The following JKAMP variants were observed in gnomAD, a reference collection of about 807,000 sequenced individuals.
JKAMP encodes JNK1/MAPK8-associated membrane protein.
In JKAMP, 20 loss-of-function variants were observed where a neutral mutation model predicts 40.2. The observed-to-expected ratio is 0.50, with a 90% CI of 0.35 to 0.72. The LOEUF is 0.72. Ranked by LOEUF, JKAMP falls within the 30% of genes least tolerant of loss-of-function variation. The pLI is 0.01. For synonymous variants in JKAMP, 138 were observed against 131.6 expected (o/e 1.05, Z -0.33); for missense variants, 276 against 373.0 (o/e 0.74, Z 2.14).
In JKAMP at chr14:59,487,962, C is replaced by T. The variant is rs562578917; in HGVS notation, c.251+134C>T. On this transcript the variant is annotated intron_variant, in intron 3 of 6. Transcript: ENST00000616435. Reference sequence around the variant, plus strand: ...TGTTTTTCTTTATCTTCAGATTATTCTTAACTGTGACAAGAAAACTTAACA... The same window carrying T: ...TGTTTTTCTTTATCTTCAGATTATTTTTAACTGTGACAAGAAAACTTAACA... 74 of 850,670 alleles carry T rather than the reference C, an allele frequency of 8.7e-5. No individual in the cohort carries two copies. In the African/African-American group the frequency reaches 1.1e-3, roughly 13 times the overall value. The allele number at this position is 850,670 out of a possible 1,614,324, so 52.7% of individuals were successfully genotyped here.
chr14:59,495,000 C>T lies in JKAMP; in HGVS notation c.252-18C>T. The T allele has an allele frequency of 6.3e-7, 1 of 1,583,860 alleles. No homozygotes were observed. Among genetic ancestry groups the T allele is most frequent in the Non-Finnish European group, 8.7e-7 (1 of 1,153,410 alleles). On this transcript the variant is annotated intron_variant, in intron 3 of 6. Coordinates refer to ENST00000616435, the MANE Select transcript of JKAMP (RefSeq NM_016475.5). ...TATTGCAATTTTTCTAGTAATCATG[C>T]CTCTTTTCCTTCTCTAGTTCCAGCG...
chr14:59,504,178 T>C lies in JKAMP; in HGVS notation c.*106T>C. ...ATTCTATCATATATGGGAACAAGATTGTCAGTATATCTTAATGTTTGGGTT... is the reference window on the plus strand; with the variant it reads ...ATTCTATCATATATGGGAACAAGATCGTCAGTATATCTTAATGTTTGGGTT... On this transcript the variant is annotated 3_prime_UTR_variant, in exon 7 of 7. Coordinates refer to ENST00000616435, the MANE Select transcript of JKAMP (RefSeq NM_016475.5). The C allele has an allele frequency of 1.5e-6, 1 of 682,662 alleles. No homozygotes were observed. Among genetic ancestry groups the C allele is most frequent in the Non-Finnish European group, 2.5e-6 (1 of 399,646 alleles). The allele number at this position is 682,662 out of a possible 1,614,324, so 42.3% of individuals were successfully genotyped here. A position where few individuals can be genotyped will look rare whatever the true frequency, so the allele number is the denominator to read the frequency against.
intron 1 of JKAMP, chr14:59,484,830 T>G: frequency 9.9e-7 from 1 of 1,005,266 alleles, no homozygotes; most frequent in South Asian, 1.7e-5. Flanking sequence ...TCTTTGTTGT[T>G]TGGTCCGAAA....
rs528785088 is a variant in JKAMP, at chr14:59,505,168, T to C, written c.*1096T>C. 5.6e-6 allele frequency: 4 copies of C among 712,828 alleles called. No individual in the cohort carries two copies. Among genetic ancestry groups the C allele is most frequent in the Middle Eastern group, 4.9e-4 (2 of 4,042 alleles). 44.2% of individuals were successfully genotyped at this position (712,828 alleles called of 1,614,324 possible). A position where few individuals can be genotyped will look rare whatever the true frequency, so the allele number is the denominator to read the frequency against. ...AAGACTTCTATTAACAGCTGCAAAATATGAAAGTAAGTGCACTCACTTTTC... is the reference window on the plus strand; with the variant it reads ...AAGACTTCTATTAACAGCTGCAAAACATGAAAGTAAGTGCACTCACTTTTC... On this transcript the variant is annotated 3_prime_UTR_variant, in exon 7 of 7. Transcript: ENST00000616435.
intron 3 of JKAMP, 99 bp from the exon 4 acceptor site, chr14:59,494,919 T>A (rs951735415): frequency 1.2e-6 from 1 of 838,190 alleles, no homozygotes; most frequent in East Asian, 2.6e-5. Context: ...ACTTTTCTTA[T>A]AGATTTAGAA....
intron 5 of JKAMP, among the ~76,000 whole-genome samples, chr14:59,499,252 T>A (rs1281213151): frequency 6.6e-6 from 1 of 152,032 alleles, no homozygotes; most frequent in Non-Finnish European, 1.5e-5. Context: ...GATCTCGATC[T>A]CCTGACCTCA....
chr14:59,490,564 A>G (rs1890915675), intron 3 of JKAMP, among the ~76,000 whole-genome samples: 1 of 152,222 alleles, frequency 6.6e-6, no homozygotes, highest in Admixed American at 6.5e-5. Context: ...GAAATAGACT[A>G]TGGTAGTTGG....
intron 3 of JKAMP, 147 bp from the exon 4 acceptor site, chr14:59,494,871 C>A (rs1374935281): frequency 1.6e-6 from 1 of 618,204 alleles, no homozygotes. Context: ...GTTATTTATC[C>A]CTTTTGAGAA....
intron 3 of JKAMP, among the ~76,000 whole-genome samples, chr14:59,493,297 C>A (rs1180983505): frequency 2.6e-5 from 4 of 152,186 alleles, no homozygotes; most frequent in Admixed American, 2.6e-4. Context: ...CACCTGTTAA[C>A]AGCCTTGGTT....
intron 3 of JKAMP, among the ~76,000 whole-genome samples, chr14:59,492,779 CTA>C (rs1363199560): frequency 1.3e-5 from 2 of 150,556 alleles, no homozygotes; most frequent in Non-Finnish European, 2.9e-5. Flanking sequence ...AAAATAGAGA[CTA>C]TGAAGGAGAG....
intron 6 of JKAMP, among the ~76,000 whole-genome samples, chr14:59,503,021 T>A (rs1385605930): frequency 1.3e-5 from 2 of 151,980 alleles, no homozygotes; most frequent in African/African-American, 2.4e-5. Context: ...GTGCTGAGAT[T>A]ACAGGGGTGA....
intron 6 of JKAMP, among the ~76,000 whole-genome samples, chr14:59,502,621 AATC>A (rs1490949424): frequency 6.6e-6 from 1 of 152,112 alleles, no homozygotes; most frequent in Non-Finnish European, 1.5e-5. Flanking sequence ...TTTCCTTTGT[AATC>A]ATCTTTAACC....
chr14:59,487,662 TA>T lies in JKAMP; in HGVS notation c.97-11del. The T allele has an allele frequency of 6.2e-7, 1 of 1,603,102 alleles. No homozygotes were observed. Among genetic ancestry groups the T allele is most frequent in the South Asian group, 1.1e-5 (1 of 90,666 alleles). On this transcript the variant is annotated splice_polypyrimidine_tract_variant and intron_variant, in intron 2 of 6. Coordinates refer to ENST00000616435, the MANE Select transcript of JKAMP (RefSeq NM_016475.5). ...ATATCTGTACACAAAATATTGGTTT[TA>T]TATATTATAGGTATGCCCAAGAGGA...
intron 6 of JKAMP, among the ~76,000 whole-genome samples, chr14:59,502,755 T>TGTTTTTTTTTTCTTTGTTTTTG (rs67189643): frequency 2.4e-5 from 3 of 122,914 alleles, no homozygotes; most frequent in South Asian, 2.7e-4. Context: ...ATGAGATTTT[T>TGTTTTTTTTTTCTTTGTTTTTG]TTTTTTTTTT....
rs375475352 is a variant in JKAMP at position 59,487,848 on chromosome 14, C to T, written c.251+20C>T. Reference sequence around the variant, plus strand: ...AAAGAGGTTAGCACATTTCTATGAACATATCTGGCTGGACTAATGTTGGAA... The same window carrying T: ...AAAGAGGTTAGCACATTTCTATGAATATATCTGGCTGGACTAATGTTGGAA... On this transcript the variant is annotated intron_variant, in intron 3 of 6. Coordinates refer to ENST00000616435, the MANE Select transcript of JKAMP (RefSeq NM_016475.5). 1 of 1,607,040 alleles carries T rather than the reference C, an allele frequency of 6.2e-7. No homozygotes were observed. Among genetic ancestry groups the T allele is most frequent in the Non-Finnish European group, 8.5e-7 (1 of 1,173,806 alleles).
At chr14:59,485,333 T>G in intron 1 of JKAMP, 1 of 464,420 alleles carries the variant, frequency 2.2e-6, no homozygotes, top group Non-Finnish European at 3.6e-6. Flanking sequence ...TGATTACAAT[T>G]GGTTACAAAA....
At chr14:59,497,579 G>T (rs1891543847) in intron 4 of JKAMP, among the ~76,000 whole-genome samples, 1 of 152,082 alleles carries the variant, frequency 6.6e-6, no homozygotes, top group Non-Finnish European at 1.5e-5. Context: ...AACAAGACTA[G>T]GAAACTAATT....
intron 3 of JKAMP, among the ~76,000 whole-genome samples, chr14:59,490,433 G>A (rs775851268): frequency 1.3e-5 from 2 of 152,172 alleles, no homozygotes; most frequent in East Asian, 1.9e-4. Flanking sequence ...TGAGTGAATC[G>A]TTTATTGGTG....
intron 6 of JKAMP, among the ~76,000 whole-genome samples, chr14:59,503,335 A>G (rs893871347): frequency 4.5e-4 from 69 of 152,184 alleles, no homozygotes; most frequent in African/African-American, 1.6e-3. Context: ...TAATTTCTGC[A>G]TAGCATACAG....
Sources: gnomAD v4.1 joint callset for allele counts (sites outside exome capture counted in the v4.1 genomes callset) on GRCh38, gnomAD v4.1.1 for gene constraint, MANE v1.5 for transcripts, NCBI Gene and HGNC (gene_info 2026-07-23, HGNC 2026-07-21) for gene names.